RAI14: variants seen among roughly 807,000 people sequenced by gnomAD.
The protein encoded by RAI14 is retinoic acid induced 14, also known as ankycorbin.
A neutral mutation model predicts 115.4 loss-of-function variants in RAI14; 45 were observed. The observed-to-expected ratio is 0.39, with a 90% CI of 0.31 to 0.50. RAI14 has a LOEUF of 0.50. RAI14 is among the 20% of genes least tolerant of loss of function. The probability of loss-of-function intolerance (pLI) is 0.85; values close to 1 mark genes in which losing one functional copy is unlikely to be tolerated. For synonymous variants in RAI14, 371 were observed against 415.4 expected, an observed-to-expected ratio of 0.89 and a Z score of 1.30; for missense variants, 939 against 1,131.2, an observed-to-expected ratio of 0.83 and a Z score of 2.44.
At chr5:34,734,070 C>T (rs1317544698) in intron 2 of RAI14, among the ~76,000 whole-genome samples, 1 of 152,240 alleles carries the variant, frequency 6.6e-6, no homozygotes, top group African/African-American at 2.4e-5. Flanking sequence ...CTCTCCAGTT[C>T]TTTTCTTCTC....
intron 4 of RAI14, among the ~76,000 whole-genome samples, chr5:34,798,434 C>G (rs866649331): frequency 6.6e-6 from 1 of 151,784 alleles, no homozygotes; most frequent in Non-Finnish European, 1.5e-5. Context: ...AGTTCCTACT[C>G]CTATCAGAAA....
chr5:34,736,767 A>G (rs915329018), intron 2 of RAI14, among the ~76,000 whole-genome samples: 8 of 152,210 alleles, frequency 5.3e-5, no homozygotes, highest in Non-Finnish European at 8.8e-5. Context: ...TTAGGGTTAC[A>G]TCGACAACTT....
intron 1 of RAI14, among the ~76,000 whole-genome samples, chr5:34,679,263 C>T (rs535061514): frequency 1.3e-5 from 2 of 152,354 alleles, no homozygotes; most frequent in African/African-American, 4.8e-5. Flanking sequence ...TGAAAATTTG[C>T]ACCATGGGCT....
At chr5:34,689,949 A>T (rs1738367523) in intron 2 of RAI14, among the ~76,000 whole-genome samples, 1 of 152,218 alleles carries the variant, frequency 6.6e-6, no homozygotes, top group South Asian at 2.1e-4. Context: ...GGAGATGCTT[A>T]GTAAATATTT....
intron 2 of RAI14, among the ~76,000 whole-genome samples, chr5:34,739,093 G>C (rs571462486): frequency 6.6e-6 from 1 of 152,152 alleles, no homozygotes; most frequent in African/African-American, 2.4e-5. Context: ...AAAAAGAAGC[G>C]CTATTCAAAA....
chr5:34,698,377 G>T (rs1739602847), intron 2 of RAI14, among the ~76,000 whole-genome samples: 1 of 151,730 alleles, frequency 6.6e-6, no homozygotes, highest in Non-Finnish European at 1.5e-5. Context: ...CTAGCACAGT[G>T]CCTGGCATTT....
intron 2 of RAI14, among the ~76,000 whole-genome samples, chr5:34,710,714 T>A (rs1203968679): frequency 1.3e-5 from 2 of 152,202 alleles, no homozygotes; most frequent in African/African-American, 4.8e-5. Context: ...AGTGAGGATC[T>A]CCCTGCACCA....
intron 1 of RAI14, among the ~76,000 whole-genome samples, chr5:34,679,726 G>C (rs1744251573): frequency 1.3e-5 from 2 of 152,132 alleles, no homozygotes; most frequent in Non-Finnish European, 2.9e-5. Flanking sequence ...GGGGGCAGGT[G>C]GGAAGGAAAA....
At chr5:34,757,693 T>G in intron 3 of RAI14, 95 bp downstream of exon 3, 3 of 1,417,214 alleles carry the variant, frequency 2.1e-6, no homozygotes, top group Non-Finnish European at 2.8e-6. Context: ...TCACACGTGC[T>G]CCCTCTCCAC....
At chr5:34,696,295 G>A (rs966970986) in intron 2 of RAI14, among the ~76,000 whole-genome samples, 2 of 152,000 alleles carry the variant, frequency 1.3e-5, no homozygotes, top group East Asian at 1.9e-4. Context: ...CTGCCACCAC[G>A]CCTGGCTCAT....
intron 1 of RAI14, among the ~76,000 whole-genome samples, chr5:34,659,895 G>A (rs1027120548): frequency 2.0e-5 from 3 of 152,116 alleles, no homozygotes; most frequent in Non-Finnish European, 4.4e-5. Flanking sequence ...TAAGAAAAGT[G>A]GGACTGGTGT....
intron 2 of RAI14, among the ~76,000 whole-genome samples, chr5:34,709,141 A>G (rs1054218274): frequency 2.0e-5 from 3 of 151,776 alleles, no homozygotes; most frequent in Non-Finnish European, 4.4e-5. Flanking sequence ...AAAAAAAAAA[A>G]AAAAAAAAAA....
chr5:34,766,621 G>A (rs577777051), intron 3 of RAI14, among the ~76,000 whole-genome samples: 3 of 152,266 alleles, frequency 2.0e-5, no homozygotes, highest in African/African-American at 7.2e-5. Context: ...GCTCCTAGGT[G>A]GAAGGGACTT....
intron 1 of RAI14, among the ~76,000 whole-genome samples, chr5:34,680,740 T>C (rs527554081): frequency 1.3e-5 from 2 of 152,340 alleles, no homozygotes; most frequent in Non-Finnish European, 2.9e-5. Flanking sequence ...GTTAGAACCC[T>C]GCTCCCATTT....
intron 3 of RAI14, among the ~76,000 whole-genome samples, chr5:34,777,080 C>T (rs71615823): frequency 0.23 from 34,174 of 151,804 alleles, 5,059 homozygotes; most frequent in Non-Finnish European, 0.31. Flanking sequence ...GCAGGAGAAT[C>T]GCTTGAACCC....
chr5:34,708,090 C>G (rs888093089), intron 2 of RAI14, among the ~76,000 whole-genome samples: 1 of 152,032 alleles, frequency 6.6e-6, no homozygotes, highest in Non-Finnish European at 1.5e-5. Flanking sequence ...GAAACTAGAT[C>G]GTATGAAAGC....
chr5:34,765,208 TG>T (rs1749204526), intron 3 of RAI14, among the ~76,000 whole-genome samples: 1 of 152,172 alleles, frequency 6.6e-6, no homozygotes, highest in South Asian at 2.1e-4. Context: ...CATAGTAAAT[TG>T]GTACCAGTAG....
In RAI14 at chr5:34,823,547, A is replaced by C; in HGVS notation, c.1705A>C (p.Ile569Leu). 6.2e-7 allele frequency: 1 copy of C among 1,614,244 alleles called. No homozygotes were observed. The highest frequency in any genetic ancestry group is 8.5e-7 in the Non-Finnish European group (1 of 1,180,048). The part of the protein sequence containing the change: ...KLVEREKGTV[I>L]KPPVEEYEEM... Reference sequence around the variant, plus strand: ...GGTAGAGAGGGAGAAAGGTACAGTGATTAAGCCACCTGTGGAAGAGTACGA... The same window carrying C: ...GGTAGAGAGGGAGAAAGGTACAGTGCTTAAGCCACCTGTGGAAGAGTACGA... The change falls in exon 15 of 18, where the codon ATT (isoleucine) becomes CTT (leucine). Residue 569 changes from isoleucine to leucine, a missense_variant. Transcript: ENST00000265109. This position sits in a 1 kb window ranked among gnomAD's most constrained non-coding sequence, Gnocchi z 4.5.
At chr5:34,671,642 T>C (rs569891154) in intron 1 of RAI14, among the ~76,000 whole-genome samples, 159 of 152,220 alleles carry the variant, frequency 1.0e-3, no homozygotes, top group African/African-American at 3.8e-3. Flanking sequence ...CAATAAAAAG[T>C]TTTTTAAAAA....
Sources: allele counts gnomAD v4.1 joint callset (sites outside exome capture counted in the v4.1 genomes callset), GRCh38; gene constraint gnomAD v4.1.1; non-coding constraint Gnocchi (gnomAD v3.1); transcripts MANE v1.5; gene names NCBI Gene and HGNC (gene_info 2026-07-23, HGNC 2026-07-21).